KCNIP4: variants seen among roughly 807,000 people sequenced by gnomAD.
The protein encoded by KCNIP4 is potassium voltage-gated channel interacting protein 4.
A neutral mutation model predicts 34.0 loss-of-function variants in KCNIP4; 12 were observed. The observed-to-expected ratio is 0.35, with a 90% CI of 0.23 to 0.57. The LOEUF (loss-of-function observed/expected upper bound fraction) is 0.57, where lower values mean the gene tolerates loss of function less well. KCNIP4 is among the 20% of genes least tolerant of loss of function. The probability of loss-of-function intolerance (pLI) is 0.83; values close to 1 mark genes in which losing one functional copy is unlikely to be tolerated. For synonymous variants in KCNIP4, 124 were observed against 102.2 expected (o/e 1.21, Z -1.29); for missense variants, 238 against 311.7 (o/e 0.76, Z 1.78).
At chr4:20,855,949 G>A (rs1489261907) in intron 2 of KCNIP4, among the ~76,000 whole-genome samples, 2 of 152,162 alleles carry the variant, frequency 1.3e-5, no homozygotes, top group Non-Finnish European at 2.9e-5. Flanking sequence ...TAAAGTATGT[G>A]GGAAGAGCTC....
chr4:20,796,811 C>A (rs926690124), intron 3 of KCNIP4, among the ~76,000 whole-genome samples: 1 of 151,950 alleles, frequency 6.6e-6, no homozygotes, highest in Admixed American at 6.6e-5. Flanking sequence ...AAACAGATTC[C>A]ATCATAGGTT....
At chr4:21,872,543 G>A (rs34008037) in intron 1 of KCNIP4, among the ~76,000 whole-genome samples, 17,412 of 152,078 alleles carry the variant, frequency 0.11, 1,107 homozygotes, top group African/African-American at 0.18. Flanking sequence ...ATCCAAAAAC[G>A]AGATTTTTAT....
intron 3 of KCNIP4, among the ~76,000 whole-genome samples, chr4:20,847,943 A>T (rs765574483): frequency 2.6e-5 from 4 of 152,138 alleles, no homozygotes; most frequent in Non-Finnish European, 5.9e-5. Flanking sequence ...GTGTTTAGGG[A>T]ACCAAGGCAG....
At chr4:20,791,633 G>A (rs1190241616) in intron 3 of KCNIP4, among the ~76,000 whole-genome samples, 2 of 152,094 alleles carry the variant, frequency 1.3e-5, no homozygotes, top group Middle Eastern at 3.4e-3. Flanking sequence ...AAACCCTAAA[G>A]CAAACGCTAA....
At chr4:21,796,080 A>C (rs529661488) in intron 1 of KCNIP4, among the ~76,000 whole-genome samples, 63 of 152,292 alleles carry the variant, frequency 4.1e-4, no homozygotes, top group African/African-American at 1.4e-3. Context: ...ATCAATCAAT[A>C]AATAAAAATT....
chr4:21,493,599 GC>G (rs993714516), intron 1 of KCNIP4, among the ~76,000 whole-genome samples: 15 of 152,244 alleles, frequency 9.9e-5, no homozygotes, highest in African/African-American at 3.1e-4. Flanking sequence ...AGTTTCTGCT[GC>G]TTGGAAAGTT....
At position 21,757,265 on chromosome 4, in the gene KCNIP4, AAGAAAAGAAAAGAAAAGAAAAG is replaced by A. The variant is rs1384870565; in HGVS notation, c.61+191284_61+191305del. The stretch of plus-strand genomic sequence containing the variant: ...AAAGAAAGAAAAGAAAAGAAAAGAA[AAGAAAAGAAAAGAAAAGAAAAG>A]AGAAAAGAAAAGAAAAGAGAAAAGA... On this transcript the variant is annotated intron_variant, in intron 1 of 8. Transcript: ENST00000382152. Among the ~76,000 whole-genome samples the A allele has an allele frequency of 3.7e-4, 30 of 80,252 alleles. 1 individual carries two copies. Among genetic ancestry groups the A allele is most frequent in the Admixed American group, 9.8e-4 (9 of 9,184 alleles). 52.6% of individuals were successfully genotyped at this position (80,252 alleles called of 152,430 possible).
chr4:21,155,003 A>T (rs554989920), intron 1 of KCNIP4, among the ~76,000 whole-genome samples: 127 of 152,262 alleles, frequency 8.3e-4, no homozygotes, highest in Middle Eastern at 3.4e-3. Context: ...TTTTTGCTTG[A>T]TCTTCTTTTT....
chr4:21,650,185 T>G (rs756176172), intron 1 of KCNIP4, among the ~76,000 whole-genome samples: 8 of 152,348 alleles, frequency 5.3e-5, no homozygotes, highest in Middle Eastern at 6.8e-3. Context: ...AAAAGGAGCA[T>G]GAAATTTTGC....
In KCNIP4 at chr4:21,719,438, G is replaced by C. The variant is rs115752447; in HGVS notation, c.61+229133C>G. On this transcript the variant is annotated intron_variant, in intron 1 of 8. Coordinates refer to ENST00000382152, the MANE Select transcript of KCNIP4 (RefSeq NM_025221.6). The stretch of plus-strand genomic sequence containing the variant: ...GGTAAGAAGCTGGGGTGAGGGTGTT[G>C]AGGATGAATGTAAATGTGAATATAT... Among the ~76,000 whole-genome samples, 1,335 of 152,296 alleles carry C rather than the reference G, an allele frequency of 8.8e-3. 19 individuals are homozygous for C. The highest frequency in any genetic ancestry group is 0.039 in the South Asian group (189 of 4,824).
chr4:21,863,077 A>G (rs938843487), intron 1 of KCNIP4, among the ~76,000 whole-genome samples: 6 of 152,140 alleles, frequency 3.9e-5, no homozygotes, highest in African/African-American at 1.4e-4. Context: ...GCCAACAATA[A>G]GGGCAAAAAA....
At chr4:20,944,406 C>T (rs1187811139) in intron 1 of KCNIP4, among the ~76,000 whole-genome samples, 2 of 152,214 alleles carry the variant, frequency 1.3e-5, no homozygotes, top group East Asian at 3.9e-4. Context: ...AAGGTGACTA[C>T]TGAGCAATCA....
At chr4:21,293,955 G>A (rs1027104176) in intron 1 of KCNIP4, among the ~76,000 whole-genome samples, 1 of 152,108 alleles carries the variant, frequency 6.6e-6, no homozygotes, top group African/African-American at 2.4e-5. Context: ...TGTTCTCCAG[G>A]TGGGCAGCCT....
intron 4 of KCNIP4, among the ~76,000 whole-genome samples, chr4:20,751,954 C>G (rs1404785461): frequency 3.3e-5 from 5 of 152,072 alleles, no homozygotes; most frequent in Admixed American, 6.5e-5. Context: ...CTCAGCTTCA[C>G]CAGAGATTAA....
intron 1 of KCNIP4, among the ~76,000 whole-genome samples, chr4:21,887,949 T>C (rs13118638): frequency 6.6e-6 from 1 of 152,202 alleles, no homozygotes; most frequent in Non-Finnish European, 1.5e-5. Flanking sequence ...ACTTTCTACC[T>C]AGTGTTTTAT....
At chr4:21,257,957 T>C (rs1761186186) in intron 1 of KCNIP4, among the ~76,000 whole-genome samples, 2 of 152,138 alleles carry the variant, frequency 1.3e-5, no homozygotes, top group East Asian at 1.9e-4. Context: ...TTGTTTTTTC[T>C]TGCCTCTCAT....
chr4:20,791,566 T>A (rs952801307), intron 3 of KCNIP4, among the ~76,000 whole-genome samples: 1 of 152,084 alleles, frequency 6.6e-6, no homozygotes, highest in African/African-American at 2.4e-5. Context: ...TTTTTGCACA[T>A]GAAGAAATAT....
intron 1 of KCNIP4, among the ~76,000 whole-genome samples, chr4:21,330,745 A>T (rs920963961): frequency 9.9e-5 from 15 of 152,144 alleles, no homozygotes; most frequent in African/African-American, 3.4e-4. Context: ...GAACTTGCTT[A>T]CTCTTACCTC....
At chr4:21,144,433 A>T (rs959445230) in intron 1 of KCNIP4, among the ~76,000 whole-genome samples, 1 of 152,204 alleles carries the variant, frequency 6.6e-6, no homozygotes, top group Non-Finnish European at 1.5e-5. Context: ...GTTTATGTCA[A>T]AAAAAGAGCT....
Sources: allele counts gnomAD v4.1 joint callset (sites outside exome capture counted in the v4.1 genomes callset), GRCh38; gene constraint gnomAD v4.1.1; transcripts MANE v1.5; gene names NCBI Gene and HGNC (gene_info 2026-07-23, HGNC 2026-07-21).